Variants in FMN1 observed in about 807,000 individuals in gnomAD.
FMN1 encodes formin-1.
In FMN1, 110 loss-of-function variants were observed where a neutral mutation model predicts 132.4. The ratio of observed to expected loss-of-function variants is 0.83; its 90% CI spans 0.71 to 0.97. The LOEUF is 0.97. Among genes scored for constraint, FMN1 ranks in the 50% least tolerant of loss-of-function variants. The pLI, the probability that FMN1 is intolerant of heterozygous loss-of-function variation, is 0.00. For missense variants in FMN1, 1,792 were observed against 1,705.3 expected (o/e 1.05, Z -0.90); for synonymous variants, 722 against 651.7 (o/e 1.11, Z -1.64).
Position 33,154,861 on chromosome 15 carries a change from G to A in FMN1, c.54C>T (p.Cys18=), listed in dbSNP as rs1256140688. 3 of 1,536,108 alleles carry A rather than the reference G, an allele frequency of 2.0e-6. No individual in the cohort carries two copies. The highest frequency in any genetic ancestry group is 1.4e-5 in the African/African-American group (1 of 73,006). The part of the protein sequence containing the change: ...LQLHKPITEL[C]YISFCLPKGE... ...CCTTTGGAAGACAGAAGCTGATGTA[G>A]CAGAGTTCCGTAATGGGCTTATGCA... The change falls in exon 4 of 21, where the codon TGC becomes TGT. Residue 18 remains cysteine (C), a synonymous_variant. Coordinates refer to ENST00000616417, the MANE Select transcript of FMN1 (RefSeq NM_001277313.2).
At position 33,088,910 on chromosome 15, in the gene FMN1, G is replaced by A. The variant is rs1156737518; in HGVS notation, c.1932C>T (p.Asn644=). The A allele has an allele frequency of 2.0e-6, 3 of 1,535,940 alleles. No individual in the cohort carries two copies. The highest frequency in any genetic ancestry group is 3.9e-5 in the Admixed American group (2 of 50,976). The change falls in exon 5 of 21, where the codon AAC becomes AAT. Residue 644 remains asparagine (N), a synonymous_variant. Coordinates refer to ENST00000616417, the MANE Select transcript of FMN1 (RefSeq NM_001277313.2). ...FNEQTPKDLP[N]RDGGAWVLGY... is the part of the protein sequence containing the mutation. ...CCAGAACCCACGCGCCTCCATCTCT[G>A]TTGGGAAGGTCTTTAGGTGTCTGCT...
chr15:33,025,975 G>T (rs148823453), intron 6 of FMN1, among the ~76,000 whole-genome samples: 1 of 152,130 alleles, frequency 6.6e-6, no homozygotes. Flanking sequence ...GAAAAGAGAT[G>T]TAAGAATTGG....
chr15:32,992,164 T>C (rs1439668294), intron 7 of FMN1, among the ~76,000 whole-genome samples: 2 of 152,172 alleles, frequency 1.3e-5, no homozygotes, highest in Non-Finnish European at 2.9e-5. Flanking sequence ...ACCATTGTTT[T>C]ATAGCAAAAG....
rs1286307994 is a variant in FMN1 at position 32,798,216 on chromosome 15, A to ACACACACC, written c.4130+587_4130+588insGGTGTGTG. ...CACACACACACACACACACACACAC[A>ACACACACC]CCCCGTCTATATTCAGAGTTGAGGT... On this transcript the variant is annotated intron_variant, in intron 19 of 20. Coordinates refer to ENST00000616417, the MANE Select transcript of FMN1 (RefSeq NM_001277313.2). Among the ~76,000 whole-genome samples the ACACACACC allele has an allele frequency of 2.3e-3, 331 of 140,974 alleles. 2 individuals are homozygous for ACACACACC. Among genetic ancestry groups the ACACACACC allele is most frequent in the African/African-American group, 8.3e-3 (318 of 38,544 alleles). 92.5% of individuals were successfully genotyped at this position (140,974 alleles called of 152,430 possible).
Position 33,157,201 on chromosome 15 carries a change from G to C in FMN1, c.-131-2156C>G, listed in dbSNP as rs377641948. ...AATCCCTTGAACCCAGGAGGCCAAGGTTGCAGTGAGCTGACATCGCGCCAC... is the reference window on the plus strand; with the variant it reads ...AATCCCTTGAACCCAGGAGGCCAAGCTTGCAGTGAGCTGACATCGCGCCAC... On this transcript the variant is annotated intron_variant, in intron 3 of 20. Coordinates refer to ENST00000616417, the MANE Select transcript of FMN1 (RefSeq NM_001277313.2). Among the ~76,000 whole-genome samples, 18 of 149,572 alleles carry C rather than the reference G, an allele frequency of 1.2e-4. No individual in the cohort carries two copies. The East Asian group carries it at 1.8e-3, about 15-fold the overall frequency.
rs373002709 is a variant in FMN1, at chr15:32,781,833, G to A, written c.4131-4914C>T. On this transcript the variant is annotated intron_variant, in intron 19 of 20. Transcript: ENST00000616417. The stretch of plus-strand genomic sequence containing the variant: ...TAACATTGTTGCTATAAAAATTAAA[G>A]AAAATACTATATGTGATTACTGATC... Among the ~76,000 whole-genome samples, 31 of 152,242 alleles carry A rather than the reference G, an allele frequency of 2.0e-4. No individual in the cohort carries two copies. The East Asian group carries it at 4.2e-3, about 21-fold the overall frequency.
At chr15:32,796,254 T>A (rs2057287916) in intron 19 of FMN1, among the ~76,000 whole-genome samples, 1 of 152,240 alleles carries the variant, frequency 6.6e-6, no homozygotes, top group South Asian at 2.1e-4. Context: ...GGAAGTAGAA[T>A]TTAAACAAAA....
intron 3 of FMN1, among the ~76,000 whole-genome samples, chr15:33,163,578 G>A (rs1300871332): frequency 6.8e-6 from 1 of 146,220 alleles, no homozygotes; most frequent in Non-Finnish European, 1.5e-5. Flanking sequence ...ACAGGCGTGA[G>A]CTACCATGCC....
chr15:32,921,869 C>T (rs11631278), intron 10 of FMN1, among the ~76,000 whole-genome samples: 12,628 of 151,904 alleles, frequency 0.083, 540 homozygotes, highest in African/African-American at 0.11. Context: ...GATGGGGTTT[C>T]GCCATGTTGG....
At chr15:32,996,371 G>C (rs1566805197) in intron 7 of FMN1, among the ~76,000 whole-genome samples, 1 of 152,188 alleles carries the variant, frequency 6.6e-6, no homozygotes, top group Non-Finnish European at 1.5e-5. Flanking sequence ...ATGGTCACTT[G>C]ACTTCATTAT....
chr15:32,899,330 A>G (rs1013031988), intron 14 of FMN1, among the ~76,000 whole-genome samples: 1 of 152,148 alleles, frequency 6.6e-6, no homozygotes, highest in Non-Finnish European at 1.5e-5. Flanking sequence ...GCACCACACC[A>G]CTTTATGACC....
At chr15:33,142,861 G>A (rs1335036580) in intron 4 of FMN1, among the ~76,000 whole-genome samples, 2 of 152,148 alleles carry the variant, frequency 1.3e-5, no homozygotes, top group African/African-American at 4.8e-5. Flanking sequence ...AATGTGTTGG[G>A]CTATAAAATG....
chr15:32,908,531 T>G lies in FMN1; in HGVS notation c.3336A>C (p.Thr1112=), dbSNP rs777932418. The G allele has an allele frequency of 6.2e-7, 1 of 1,611,916 alleles. No individual in the cohort carries two copies. The highest frequency in any genetic ancestry group is 1.1e-5 in the South Asian group (1 of 91,040). Residue 1112 remains threonine, a synonymous_variant, in exon 12 of 21, where the codon ACA becomes ACC. Transcript: ENST00000616417. ...ELVKIRKYYE[T]SKEEELKLLD... is the part of the protein sequence containing the mutation. ...GCAGCTTCAGTTCTTCTTCTTTGGA[T>G]GTCTCGTAATACTTTCTTATTTTAA...
At chr15:32,879,621 A>T (rs1195016028) in intron 16 of FMN1, among the ~76,000 whole-genome samples, 3 of 152,102 alleles carry the variant, frequency 2.0e-5, no homozygotes, top group African/African-American at 4.8e-5. Context: ...TGACCCTTTC[A>T]ATATCCCTTT....
intron 6 of FMN1, chr15:33,012,609 G>GA: frequency 9.4e-7 from 1 of 1,060,318 alleles, no homozygotes; most frequent in Non-Finnish European, 1.4e-6. Context: ...CTGTCGTTCA[G>GA]AAATACCACA....
intron 10 of FMN1, among the ~76,000 whole-genome samples, chr15:32,921,674 T>C (rs560332630): frequency 1.7e-4 from 20 of 116,002 alleles, no homozygotes; most frequent in African/African-American, 8.8e-4. Context: ...CTGTGTCTTT[T>C]TTTTCTTTTT....
chr15:33,088,391 G>C (rs564586004), intron 5 of FMN1, among the ~76,000 whole-genome samples: 20 of 152,156 alleles, frequency 1.3e-4, no homozygotes, highest in African/African-American at 4.8e-4. Context: ...GAATATGGAA[G>C]GAAGGCAGGG....
At chr15:32,973,370 C>T (rs1476824282) in intron 7 of FMN1, among the ~76,000 whole-genome samples, 3 of 152,106 alleles carry the variant, frequency 2.0e-5, no homozygotes, top group East Asian at 3.9e-4. Flanking sequence ...AATACCCTTC[C>T]TCTGTTGCAA....
intron 4 of FMN1, among the ~76,000 whole-genome samples, chr15:33,120,347 CCAT>C (rs1306991429): frequency 3.3e-5 from 5 of 152,112 alleles, no homozygotes; most frequent in East Asian, 1.9e-4. Context: ...TTTCCAAGGG[CCAT>C]CATCATCTTC....
Sources: gnomAD v4.1 joint callset for allele counts (sites outside exome capture counted in the v4.1 genomes callset) on GRCh38, gnomAD v4.1.1 for gene constraint, MANE v1.5 for transcripts, NCBI Gene and HGNC (gene_info 2026-07-23, HGNC 2026-07-21) for gene names.